The following WWC1 variants were observed in gnomAD, a reference collection of about 807,000 sequenced individuals.
WWC1 encodes protein KIBRA.
In WWC1, 55 loss-of-function variants were observed where a neutral mutation model predicts 138.4. The ratio of observed to expected loss-of-function variants is 0.40; its 90% CI spans 0.32 to 0.50. The LOEUF (loss-of-function observed/expected upper bound fraction) is 0.50. Among genes scored for constraint, WWC1 ranks in the 20% least tolerant of loss-of-function variants. WWC1 has a pLI of 0.72. For missense variants in WWC1, 1,226 were observed against 1,420.4 expected (o/e 0.86, Z 2.20); for synonymous variants, 524 against 564.9 (o/e 0.93, Z 1.03).
At chr5:168,468,497 TAA>T (rs112284118) in intron 22 of WWC1, among the ~76,000 whole-genome samples, 7 of 145,242 alleles carry the variant, frequency 4.8e-5, no homozygotes, top group African/African-American at 1.5e-4. Flanking sequence ...GTATGTGCTT[TAA>T]AAAAAAAAAA....
chr5:168,424,472 A>G (rs80142526), intron 11 of WWC1, among the ~76,000 whole-genome samples: 1,673 of 152,344 alleles, frequency 0.011, 30 homozygotes, highest in East Asian at 0.046. Flanking sequence ...AGGCACAGGG[A>G]ATAAACCTGC....
chr5:168,439,827 C>T (rs959521017), intron 15 of WWC1, among the ~76,000 whole-genome samples: 4 of 152,170 alleles, frequency 2.6e-5, no homozygotes, highest in Non-Finnish European at 5.9e-5. Flanking sequence ...CGTCGGGTTT[C>T]TGCCATTTTA....
intron 3 of WWC1, among the ~76,000 whole-genome samples, 154 bp from the exon 4 acceptor site, chr5:168,397,570 T>C (rs1778995387): frequency 6.6e-6 from 1 of 152,242 alleles, no homozygotes; most frequent in South Asian, 2.1e-4. Flanking sequence ...TTTGCGCGTG[T>C]ACCATCTTTA....
At position 168,406,293 on chromosome 5, in the gene WWC1, C is replaced by T. The variant is rs773596698; in HGVS notation, c.686C>T (p.Thr229Ile). Residue 229 changes from threonine (T) to isoleucine (I), a missense_variant, in exon 6 of 23, where the codon ACC becomes ATC. By Grantham distance (89) the Thr-to-Ile change is moderately conservative. Transcript: ENST00000265293. ...ACAAAAGCCATCAAAAAGGCTATTACCTGTGGGGAAAAGGAAAAGCAAGAT... is the reference window on the plus strand; with the variant it reads ...ACAAAAGCCATCAAAAAGGCTATTATCTGTGGGGAAAAGGAAAAGCAAGAT... Reference protein sequence around the residue: ...RETKAIKKAITCGEKEKQDLI... With the variant: ...RETKAIKKAIICGEKEKQDLI... 6.2e-7 allele frequency: 1 copy of T among 1,614,056 alleles called. No homozygotes were observed. The highest frequency in any genetic ancestry group is 1.1e-5 in the South Asian group (1 of 91,084).
chr5:168,328,401 C>T (rs1772748895), intron 1 of WWC1, among the ~76,000 whole-genome samples: 1 of 152,034 alleles, frequency 6.6e-6, no homozygotes, highest in Non-Finnish European at 1.5e-5. Context: ...TTGATCTTGA[C>T]CAATAGGGGT....
chr5:168,300,799 T>A (rs982869459), intron 1 of WWC1, among the ~76,000 whole-genome samples: 1 of 152,102 alleles, frequency 6.6e-6, no homozygotes, highest in Non-Finnish European at 1.5e-5. Flanking sequence ...ACTTGTTGGA[T>A]TCGTCCCTGG....
chr5:168,390,160 T>C (rs2152823410), intron 3 of WWC1, among the ~76,000 whole-genome samples: 1 of 152,316 alleles, frequency 6.6e-6, no homozygotes, highest in Non-Finnish European at 1.5e-5. Context: ...ATCTATAAAA[T>C]CAATCTAATC....
At chr5:168,438,173 C>T (rs1754407262) in intron 15 of WWC1, among the ~76,000 whole-genome samples, 1 of 152,158 alleles carries the variant, frequency 6.6e-6, no homozygotes, top group African/African-American at 2.4e-5. Flanking sequence ...CAACACCGTG[C>T]TCTCAGAAAC....
rs548609840 is a variant in WWC1 at position 168,338,077 on chromosome 5, A to T, written c.120-33347A>T. Among the ~76,000 whole-genome samples the T allele has an allele frequency of 2.2e-4, 34 of 152,160 alleles. No homozygotes were observed. In the East Asian group the frequency reaches 6.1e-3, roughly 27 times the overall value. ...TGTAATCCCAGCACTTTGGGAGGCC[A>T]AGGTGGGCAGATCACCTGAGGTCAG... On this transcript the variant is annotated intron_variant, in intron 1 of 22. Coordinates refer to ENST00000265293, the MANE Select transcript of WWC1 (RefSeq NM_015238.3).
At chr5:168,449,125 T>C (rs1464603632) in intron 17 of WWC1, among the ~76,000 whole-genome samples, 5 of 151,698 alleles carry the variant, frequency 3.3e-5, no homozygotes, top group African/African-American at 1.2e-4. Context: ...CCTGTTTCTG[T>C]ACCTTCACCA....
At chr5:168,405,331 G>A (rs760902334) in intron 5 of WWC1, among the ~76,000 whole-genome samples, 3 of 152,150 alleles carry the variant, frequency 2.0e-5, no homozygotes, top group Non-Finnish European at 4.4e-5. Context: ...ACCATTCAGG[G>A]TGGGGGTACC....
chr5:168,316,614 T>C, intron 1 of WWC1: 1 of 152,466 alleles, frequency 6.6e-6, no homozygotes, highest in Non-Finnish European at 1.5e-5. Context: ...AACCCCTTGG[T>C]TACTTGAAGA....
intron 19 of WWC1, among the ~76,000 whole-genome samples, chr5:168,456,268 C>T (rs1756305604): frequency 6.6e-6 from 1 of 151,978 alleles, no homozygotes. Context: ...TGCGCCACAG[C>T]ACTCCAGCCT....
In WWC1 at chr5:168,334,637, G is replaced by C. The variant is rs546032918; in HGVS notation, c.120-36787G>C. Among the ~76,000 whole-genome samples, 3 of 152,144 alleles carry C rather than the reference G, an allele frequency of 2.0e-5. No homozygotes were observed. In the South Asian group the frequency reaches 6.2e-4, roughly 32 times the overall value. ...TATTTCTGTGTCTGCCTTCTCTACT[G>C]CACTGCAAGCTCCTTAAGGACAGGG... On this transcript the variant is annotated intron_variant, in intron 1 of 22. Transcript: ENST00000265293.
At chr5:168,327,418 A>G (rs1438253806) in intron 1 of WWC1, among the ~76,000 whole-genome samples, 1 of 152,256 alleles carries the variant, frequency 6.6e-6, no homozygotes, top group African/African-American at 2.4e-5. Flanking sequence ...GATGGAAAGG[A>G]TCTTACTTTT....
At chr5:168,363,101 AG>A (rs1776003051) in intron 1 of WWC1, among the ~76,000 whole-genome samples, 1 of 152,202 alleles carries the variant, frequency 6.6e-6, no homozygotes, top group Non-Finnish European at 1.5e-5. Context: ...AACAAGAGGA[AG>A]GGAAGTGTTT....
At chr5:168,385,460 A>T (rs1048819674) in intron 3 of WWC1, 46 bp downstream of exon 3, 3 of 1,586,664 alleles carry the variant, frequency 1.9e-6, no homozygotes, top group Non-Finnish European at 2.6e-6. Flanking sequence ...CCAACAGAGA[A>T]TGGCCACACT....
chr5:168,412,149 A>T (rs140029089), intron 8 of WWC1: 2 of 985,368 alleles, frequency 2.0e-6, no homozygotes, highest in Middle Eastern at 1.0e-3. Flanking sequence ...TGAGACACTA[A>T]AGGACTGCAG....
At chr5:168,364,242 G>A (rs1776112090) in intron 1 of WWC1, among the ~76,000 whole-genome samples, 2 of 152,022 alleles carry the variant, frequency 1.3e-5, no homozygotes, top group African/African-American at 4.8e-5. Flanking sequence ...CCATTCCTGA[G>A]CCTTTGTGGG....
Sources: gnomAD v4.1 joint callset for allele counts (sites outside exome capture counted in the v4.1 genomes callset) on GRCh38, gnomAD v4.1.1 for gene constraint, MANE v1.5 for transcripts, NCBI Gene and HGNC (gene_info 2026-07-23, HGNC 2026-07-21) for gene names.